Variants in ABCA2 observed in about 807,000 individuals in gnomAD.
ABCA2 encodes ATP binding cassette subfamily A member 2.
A neutral mutation model predicts 262.8 loss-of-function variants in ABCA2; 84 were observed. That is an observed-to-expected ratio of 0.32 (90% CI 0.27 to 0.38). The LOEUF (loss-of-function observed/expected upper bound fraction) is 0.38. Ranked by LOEUF, ABCA2 falls within the 10% of genes least tolerant of loss-of-function variation. The pLI, the probability that ABCA2 is intolerant of heterozygous loss-of-function variation, is 1.00. For synonymous variants in ABCA2, 1,696 were observed against 1,502.9 expected, an observed-to-expected ratio of 1.13 and a Z score of -2.97; for missense variants, 2,662 against 3,405.9, an observed-to-expected ratio of 0.78 and a Z score of 5.44.
intron 29 of ABCA2, 50 bp downstream of exon 29, chr9:137,013,411 G>T (rs751743315): frequency 4.7e-6 from 4 of 858,942 alleles, no homozygotes; most frequent in Admixed American, 2.5e-5. Flanking sequence ...GGCTGTCCCC[G>T]CCCCTTCACT....
Position 137,017,776 on chromosome 9 carries a change from G to C in ABCA2, c.2211+11C>G, listed in dbSNP as rs752971042. 9.3e-6 allele frequency: 15 copies of C among 1,612,118 alleles called. No individual in the cohort carries two copies. Among genetic ancestry groups the C allele is most frequent in the Non-Finnish European group, 1.3e-5 (15 of 1,179,618 alleles). On this transcript the variant is annotated intron_variant, in intron 16 of 48. Coordinates refer to ENST00000341511, the MANE Select transcript of ABCA2 (RefSeq NM_001606.5). ...AGCCCGCGCCTCCAGGGAGAGTCCC[G>C]GCCCGCGCACCTCCTTGAGCCGGTG...
chr9:137,027,275 C>G (rs1831683606), intron 1 of ABCA2, among the ~76,000 whole-genome samples: 2 of 152,246 alleles, frequency 1.3e-5, no homozygotes, highest in African/African-American at 4.8e-5. Flanking sequence ...CCCCAAGCCC[C>G]TCGCTCCACG....
Position 137,011,732 on chromosome 9 carries a change from G to A in ABCA2, c.5553C>T (p.Pro1851=), listed in dbSNP as rs777739005. The A allele has an allele frequency of 3.4e-5, 53 of 1,552,086 alleles. No individual in the cohort carries two copies. The highest frequency in any genetic ancestry group is 1.2e-4 in the East Asian group (5 of 41,026). Residue 1851 remains proline (P), a synonymous_variant, in exon 36 of 49, where the codon CCC becomes CCT. Coordinates refer to ENST00000341511, the MANE Select transcript of ABCA2 (RefSeq NM_001606.5). This position sits in a 1 kb window ranked among gnomAD's most constrained non-coding sequence, Gnocchi z 8.8. The part of the protein sequence containing the change: ...YVWDMLNYLV[P]ATCCVIILFV... ...ACAGGATGATGACACAGCAGGTAGC[G>A]GGGACCAGGTAGTTGAGCTGCAGGG...
Position 137,009,361 on chromosome 9 carries a change from C to G in ABCA2, c.6827+9G>C, listed in dbSNP as rs370113324. The G allele has an allele frequency of 6.3e-6, 10 of 1,584,832 alleles. No homozygotes were observed. Among genetic ancestry groups the G allele is most frequent in the African/African-American group, 5.4e-5 (4 of 74,302 alleles). ...GCCCCAGCCCACCCCTGGCCCTGCC[C>G]CGGCTCACCGGTTCTTCAGGTGCTG... is the stretch of plus-strand genomic sequence containing the variant. On this transcript the variant is annotated intron_variant, in intron 45 of 48. Coordinates refer to ENST00000341511, the MANE Select transcript of ABCA2 (RefSeq NM_001606.5).
At chr9:137,012,222 CA>C in intron 33 of ABCA2, 42 bp downstream of exon 33, 1 of 1,560,872 alleles carries the variant, frequency 6.4e-7, no homozygotes. Context: ...GCCCCGGCCC[CA>C]GCTCCTCCCC....
chr9:137,010,940 C>T (rs759018734), intron 39 of ABCA2, 33 bp downstream of exon 39: 101 of 629,044 alleles, frequency 1.6e-4, no homozygotes, highest in Admixed American at 5.7e-5. Flanking sequence ...CCTGCTCCCG[C>T]CCCGCCCCCG....
intron 43 of ABCA2, 61 bp from the exon 44 acceptor site, chr9:137,009,705 C>T: frequency 2.5e-6 from 4 of 1,610,944 alleles, no homozygotes; most frequent in Non-Finnish European, 3.4e-6. Flanking sequence ...TGAACGCTGC[C>T]CCTGCCCGTG....
rs201088293 is a variant in ABCA2, at chr9:137,007,991, G to C, written c.7276-27C>G. Reference sequence around the variant, plus strand: ...TGTGCACAGGGGAGGTCAGGCTTATGGGGCATCCTGTGCCACCCCCTGCTG... The same window carrying C: ...TGTGCACAGGGGAGGTCAGGCTTATCGGGCATCCTGTGCCACCCCCTGCTG... On this transcript the variant is annotated intron_variant, in intron 48 of 48. Coordinates refer to ENST00000341511, the MANE Select transcript of ABCA2 (RefSeq NM_001606.5). 276 of 1,596,686 alleles carry C rather than the reference G, an allele frequency of 1.7e-4. No individual in the cohort carries two copies. The African/African-American group carries it at 3.2e-3, about 18-fold the overall frequency.
Position 137,019,098 on chromosome 9 carries a change from G to A in ABCA2, c.1555-28C>T, listed in dbSNP as rs375720149. The A allele has an allele frequency of 3.7e-5, 59 of 1,603,072 alleles. No homozygotes were observed. Among genetic ancestry groups the A allele is most frequent in the Non-Finnish European group, 6.0e-6 (7 of 1,173,258 alleles). Reference sequence around the variant, plus strand: ...TGGGGTGGAGGGGCGGCTCAGAGGGGGACCTGCGCCTGCCGAGCCGGGCAG... The same window carrying A: ...TGGGGTGGAGGGGCGGCTCAGAGGGAGACCTGCGCCTGCCGAGCCGGGCAG... On this transcript the variant is annotated intron_variant, in intron 11 of 48. Transcript: ENST00000341511. This position sits in a 1 kb window ranked among gnomAD's most constrained non-coding sequence, Gnocchi z 4.4.
chr9:137,009,120 C>T (rs1173368965), intron 45 of ABCA2, 67 bp from the exon 46 acceptor site: 1 of 1,504,452 alleles, frequency 6.6e-7, no homozygotes, highest in African/African-American at 1.4e-5. Context: ...CCCCAGCCTC[C>T]CAGCCCTACA....
Position 137,019,084 on chromosome 9 carries a change from G to A in ABCA2, c.1555-14C>T, listed in dbSNP as rs775452490. ...CTCTGCTACATACTTGGGGTGGAGGGGCGGCTCAGAGGGGGACCTGCGCCT... is the reference window on the plus strand; with the variant it reads ...CTCTGCTACATACTTGGGGTGGAGGAGCGGCTCAGAGGGGGACCTGCGCCT... On this transcript the variant is annotated splice_polypyrimidine_tract_variant and intron_variant, in intron 11 of 48. Coordinates refer to ENST00000341511, the MANE Select transcript of ABCA2 (RefSeq NM_001606.5). The surrounding 1 kb of genome is among the most constrained non-coding windows in gnomAD (Gnocchi z 4.4). 26 of 1,605,156 alleles carry A rather than the reference G, an allele frequency of 1.6e-5. No homozygotes were observed. Among genetic ancestry groups the A allele is most frequent in the Non-Finnish European group, 2.2e-5 (26 of 1,174,372 alleles).
In ABCA2 at chr9:137,009,834, C is replaced by T. The variant is rs368969710; in HGVS notation, c.6565G>A (p.Gly2189Ser). The part of the protein sequence containing the change: ...YADKPAGTYS[G>S]GNKRKLSTAI... ...GTGGAGAGCTTCCGCTTGTTGCCGC[C>T]GCTGTAGGTGCCAGCCGGCTTGTCT... The change falls in exon 43 of 49, where the codon GGC (glycine) becomes AGC (serine). Residue 2189 changes from glycine to serine, a missense_variant. Transcript: ENST00000341511. 12 of 1,612,444 alleles carry T rather than the reference C, an allele frequency of 7.4e-6. No homozygotes were observed. Among genetic ancestry groups the T allele is most frequent in the Admixed American group, 5.0e-5 (3 of 59,956 alleles).
At position 137,020,381 on chromosome 9, in the gene ABCA2, G is replaced by T. The variant is rs749810192; in HGVS notation, c.1380C>A (p.Ile460=). The T allele has an allele frequency of 6.2e-7, 1 of 1,613,042 alleles. No individual in the cohort carries two copies. The highest frequency in any genetic ancestry group is 1.1e-5 in the South Asian group (1 of 91,096). Residue 460 remains isoleucine, a synonymous_variant, in exon 10 of 49, where the codon ATC becomes ATA. Transcript: ENST00000341511. Reference sequence around the variant, plus strand: ...CCTCAGAGCCCGCAGGCGCGTACAGGATTTTGGGGTTGCTGGTCATGAGGT... The same window carrying T: ...CCTCAGAGCCCGCAGGCGCGTACAGTATTTTGGGGTTGCTGGTCATGAGGT... ...LVHLMTSNPK[I]LYAPAGSEVD...
rs1410059404 is a variant in ABCA2, at chr9:137,010,004, G to C, written c.6474C>G (p.Ile2158Met). Residue 2158 changes from isoleucine to methionine, a missense_variant, in exon 42 of 49, where the codon ATC (isoleucine) becomes ATG (methionine). Around this residue, in one of 12 missense-constraint regions of ABCA2, gnomAD observed 602 missense variants for 897.4 expected, o/e 0.67. Transcript: ENST00000341511. ...TCACCCGGGCCTCGTCCTTCCAGGA[G>C]ATCCCACGCAGCCGCGTGTACAGCT... ...HLQLYTRLRG[I>M]SWKDEARVVK... 6.3e-7 allele frequency: 1 copy of C among 1,598,282 alleles called. No individual in the cohort carries two copies.
chr9:137,015,207 C>T (rs1485725111), intron 24 of ABCA2, 110 bp from the exon 25 acceptor site: 1 of 1,310,780 alleles, frequency 7.6e-7, no homozygotes, highest in Non-Finnish European at 1.0e-6. Flanking sequence ...AAGAACCAGG[C>T]CCCAGCAGGT....
intron 23 of ABCA2, 25 bp from the exon 24 acceptor site, chr9:137,015,621 CA>C (rs1564220300): frequency 3.7e-6 from 6 of 1,611,850 alleles, no homozygotes; most frequent in Admixed American, 1.7e-5. Flanking sequence ...GACCCAGGGT[CA>C]GGGGGCAGGG....
At position 137,018,582 on chromosome 9, in the gene ABCA2, G is replaced by T. The variant is rs1831344716; in HGVS notation, c.1819+137C>A. ...GGGGCCGTTTGGAAGGGGCAGGGGTGGGGAGGGGAAGTGGCGGGTGAGGGG... is the reference window on the plus strand; with the variant it reads ...GGGGCCGTTTGGAAGGGGCAGGGGTTGGGAGGGGAAGTGGCGGGTGAGGGG... On this transcript the variant is annotated intron_variant, in intron 13 of 48. Transcript: ENST00000341511. The T allele has an allele frequency of 1.1e-4, 75 of 694,228 alleles. 3 individuals are homozygous for T. The South Asian group carries it at 1.2e-3, about 11-fold the overall frequency. The allele number at this position is 694,228 out of a possible 1,614,324, so 43.0% of individuals were successfully genotyped here.
chr9:137,010,420 C>A, intron 40 of ABCA2, 49 bp from the exon 41 acceptor site: 7 of 1,536,090 alleles, frequency 4.6e-6, no homozygotes, highest in African/African-American at 1.4e-5. Flanking sequence ...CCCACCCTGC[C>A]CCTCTGGCCC....
At position 137,011,174 on chromosome 9, in the gene ABCA2, G is replaced by A. The variant is rs372254794; in HGVS notation, c.5923+12C>T. 2.4e-5 allele frequency: 39 copies of A among 1,612,114 alleles called. No homozygotes were observed. The Middle Eastern group carries it at 4.9e-4, about 20-fold the overall frequency. ...GCCCCCACCGCCTTCCCCGCCCCAC[G>A]GGCCCCCTCACCAATCTTGGCGTAG... is the stretch of plus-strand genomic sequence containing the variant. On this transcript the variant is annotated intron_variant, in intron 38 of 48. Coordinates refer to ENST00000341511, the MANE Select transcript of ABCA2 (RefSeq NM_001606.5). This position sits in a 1 kb window ranked among gnomAD's most constrained non-coding sequence, Gnocchi z 8.8.
Sources: allele counts gnomAD v4.1 joint callset (sites outside exome capture counted in the v4.1 genomes callset), GRCh38; gene constraint gnomAD v4.1.1; regional missense constraint gnomAD v4.1.1; non-coding constraint Gnocchi (gnomAD v3.1); transcripts MANE v1.5; gene names NCBI Gene and HGNC (gene_info 2026-07-23, HGNC 2026-07-21).